The following EPHA7 variants were observed in gnomAD, a reference collection of about 807,000 sequenced individuals.
EPHA7 encodes EPH receptor A7.
In EPHA7, 25 loss-of-function variants were observed where a neutral mutation model predicts 112.6. The ratio of observed to expected loss-of-function variants is 0.22; its 90% CI spans 0.16 to 0.31. The LOEUF (loss-of-function observed/expected upper bound fraction) is 0.31. Among genes scored for constraint, EPHA7 ranks in the 10% least tolerant of loss-of-function variants. The pLI, the probability that EPHA7 is intolerant of heterozygous loss-of-function variation, is 1.00. For synonymous variants in EPHA7, 437 were observed against 406.5 expected, an observed-to-expected ratio of 1.07 and a Z score of -0.90; for missense variants, 962 against 1,212.6, an observed-to-expected ratio of 0.79 and a Z score of 3.07.
intron 5 of EPHA7, among the ~76,000 whole-genome samples, chr6:93,296,146 T>C (rs1010642014): frequency 6.6e-6 from 1 of 151,644 alleles, no homozygotes; most frequent in African/African-American, 2.4e-5. Context: ...TAGCCCCTTA[T>C]AGATTTAATG....
At chr6:93,319,986 C>T (rs748821697) in intron 5 of EPHA7, among the ~76,000 whole-genome samples, 7 of 151,870 alleles carry the variant, frequency 4.6e-5, no homozygotes, top group Non-Finnish European at 8.8e-5. Context: ...CTCCCTCTTA[C>T]TAGTACAGAT....
At chr6:93,381,356 C>A (rs1489302390) in intron 3 of EPHA7, among the ~76,000 whole-genome samples, 1 of 152,098 alleles carries the variant, frequency 6.6e-6, no homozygotes, top group Non-Finnish European at 1.5e-5. Context: ...TTGTGGGGAA[C>A]CCAAATATGA....
chr6:93,273,581 T>C (rs1242136314), intron 5 of EPHA7, among the ~76,000 whole-genome samples: 1 of 151,960 alleles, frequency 6.6e-6, no homozygotes, highest in Non-Finnish European at 1.5e-5. Context: ...ACATGGAAGA[T>C]ACATGACTCT....
intron 6 of EPHA7, among the ~76,000 whole-genome samples, chr6:93,271,853 A>C (rs1458995444): frequency 6.6e-6 from 1 of 151,864 alleles, no homozygotes; most frequent in Non-Finnish European, 1.5e-5. Flanking sequence ...TTTATTATAC[A>C]AAATATTCTT....
At chr6:93,309,996 TCA>T (rs1346101581) in intron 5 of EPHA7, among the ~76,000 whole-genome samples, 1 of 152,254 alleles carries the variant, frequency 6.6e-6, no homozygotes, top group Non-Finnish European at 1.5e-5. Context: ...TAGATTTGGT[TCA>T]CAGTCCTTAA....
At chr6:93,358,455 T>C in intron 3 of EPHA7, 44 bp from the exon 4 acceptor site, 1 of 1,514,192 alleles carries the variant, frequency 6.6e-7, no homozygotes, top group Non-Finnish European at 8.9e-7. Context: ...TGAGAGCAAA[T>C]CGATCTTTAA....
chr6:93,278,986 T>C (rs560979821), intron 5 of EPHA7, among the ~76,000 whole-genome samples: 4 of 152,040 alleles, frequency 2.6e-5, no homozygotes, highest in African/African-American at 4.8e-5. Context: ...AAAAGACCCA[T>C]AGGGATCTGC....
At chr6:93,351,135 T>C (rs1775671394) in intron 5 of EPHA7, among the ~76,000 whole-genome samples, 1 of 152,070 alleles carries the variant, frequency 6.6e-6, no homozygotes, top group Non-Finnish European at 1.5e-5. Flanking sequence ...TCATTTAGAA[T>C]TTCCTTTCTG....
intron 14 of EPHA7, among the ~76,000 whole-genome samples, chr6:93,250,966 T>C (rs1175378604): frequency 6.6e-6 from 1 of 152,112 alleles, no homozygotes; most frequent in African/African-American, 2.4e-5. Context: ...TTCCATATTA[T>C]TACAGTATGA....
intron 3 of EPHA7, among the ~76,000 whole-genome samples, chr6:93,392,881 T>A (rs1218252398): frequency 1.3e-5 from 2 of 151,878 alleles, no homozygotes; most frequent in Non-Finnish European, 2.9e-5. Context: ...ACAATCAATT[T>A]TCTTAAATAT....
chr6:93,256,316 T>C (rs994943671), intron 12 of EPHA7, among the ~76,000 whole-genome samples: 4 of 152,076 alleles, frequency 2.6e-5, no homozygotes, highest in African/African-American at 7.2e-5. Context: ...TATATGCTAA[T>C]TTTTAAGTTT....
At chr6:93,367,703 T>G (rs879685181) in intron 3 of EPHA7, among the ~76,000 whole-genome samples, 2 of 152,042 alleles carry the variant, frequency 1.3e-5, no homozygotes, top group African/African-American at 4.8e-5. Context: ...AAGTTCTGAG[T>G]CCAGTTTTCC....
intron 5 of EPHA7, among the ~76,000 whole-genome samples, chr6:93,325,560 C>A (rs1774278510): frequency 6.6e-6 from 1 of 151,214 alleles, no homozygotes; most frequent in Admixed American, 6.6e-5. Flanking sequence ...ATTTTCTAAT[C>A]TTACCAAAAT....
At chr6:93,295,021 AAGGG>A (rs1438888028) in intron 5 of EPHA7, among the ~76,000 whole-genome samples, 1 of 151,490 alleles carries the variant, frequency 6.6e-6, no homozygotes, top group Non-Finnish European at 1.5e-5. Flanking sequence ...CTGAGGGGGG[AAGGG>A]AGGAAGATGA....
chr6:93,306,743 A>T (rs1277635759), intron 5 of EPHA7, among the ~76,000 whole-genome samples: 1 of 152,004 alleles, frequency 6.6e-6, no homozygotes, highest in East Asian at 1.9e-4. Context: ...AAAAATAATC[A>T]AATTAACTTT....
At chr6:93,403,750 A>G (rs1778548603) in intron 3 of EPHA7, among the ~76,000 whole-genome samples, 1 of 152,056 alleles carries the variant, frequency 6.6e-6, no homozygotes, top group African/African-American at 2.4e-5. Context: ...CAGAATTTCT[A>G]CAACCGGGAG....
At chr6:93,265,282 C>T (rs1770878036) in intron 7 of EPHA7, among the ~76,000 whole-genome samples, 1 of 151,652 alleles carries the variant, frequency 6.6e-6, no homozygotes, top group South Asian at 2.1e-4. Flanking sequence ...TGAGTAAACA[C>T]ATTTCATATT....
chr6:93,354,633 C>CAA (rs35810853), intron 5 of EPHA7, among the ~76,000 whole-genome samples: 1,059 of 98,264 alleles, frequency 0.011, 9 homozygotes, highest in African/African-American at 0.034. Context: ...ACAAATAAAG[C>CAA]AAAAAAAAAA....
At chr6:93,252,366 T>C (rs1326391765) in intron 14 of EPHA7, among the ~76,000 whole-genome samples, 2 of 151,924 alleles carry the variant, frequency 1.3e-5, no homozygotes, top group Admixed American at 1.3e-4. Context: ...GTTCACTTGA[T>C]AAATCCATCT....
Sources: allele counts gnomAD v4.1 joint callset (sites outside exome capture counted in the v4.1 genomes callset), GRCh38; gene constraint gnomAD v4.1.1; transcripts MANE v1.5; gene names NCBI Gene and HGNC (gene_info 2026-07-23, HGNC 2026-07-21).